The following ABCC5 variants were observed in gnomAD, a reference collection of about 807,000 sequenced individuals.
ABCC5 encodes ATP-binding cassette sub-family C member 5.
In ABCC5, 61 loss-of-function variants were observed where a neutral mutation model predicts 160.9. The observed-to-expected ratio is 0.38, with a 90% CI of 0.31 to 0.47. The LOEUF is 0.47. ABCC5 is among the 20% of genes least tolerant of loss of function. The probability of loss-of-function intolerance (pLI) is 0.99; values close to 1 mark genes in which losing one functional copy is unlikely to be tolerated. For synonymous variants in ABCC5, 666 were observed against 700.6 expected (o/e 0.95, Z 0.78); for missense variants, 1,308 against 1,813.3 (o/e 0.72, Z 5.06).
In ABCC5 at chr3:183,982,762, C is replaced by T; in HGVS notation, c.825+12G>A. The T allele has an allele frequency of 6.2e-7, 1 of 1,613,474 alleles. No individual in the cohort carries two copies. Among genetic ancestry groups the T allele is most frequent in the Non-Finnish European group, 8.5e-7 (1 of 1,179,412 alleles). ...GTTGCTCTCTGCTGTGAAGCAAACA[C>T]CCCTCACTCACCTCACCCAGGGATT... On this transcript the variant is annotated intron_variant, in intron 6 of 29. Coordinates refer to ENST00000334444, the MANE Select transcript of ABCC5 (RefSeq NM_005688.4). This position sits in a 1 kb window ranked among gnomAD's most constrained non-coding sequence, Gnocchi z 5.2.
intron 2 of ABCC5, among the ~76,000 whole-genome samples, chr3:184,008,591 A>G (rs4148561): frequency 0.6 from 90,916 of 152,172 alleles, 27,626 homozygotes; most frequent in East Asian, 0.85. Flanking sequence ...AAGTGGGTAG[A>G]TGTGCGAATG....
intron 2 of ABCC5, among the ~76,000 whole-genome samples, chr3:183,998,654 A>G (rs1281559754): frequency 6.6e-6 from 1 of 150,796 alleles, no homozygotes; most frequent in African/African-American, 2.5e-5. Flanking sequence ...GGTCTTGATC[A>G]CTATGCTATG....
At chr3:183,989,176 A>AAC in intron 3 of ABCC5, 50 bp downstream of exon 3, 2 of 1,298,778 alleles carry the variant, frequency 1.5e-6, no homozygotes, top group East Asian at 5.7e-5. Flanking sequence ...AAAAAAAAAA[A>AAC]AAAAAAGGCC....
rs764607219 is a variant in ABCC5 at position 183,967,710 on chromosome 3, T to G, written c.1818A>C (p.Ser606=). The G allele has an allele frequency of 1.2e-6, 2 of 1,613,732 alleles. No individual in the cohort carries two copies. Among genetic ancestry groups the G allele is most frequent in the African/African-American group, 2.7e-5 (2 of 74,918 alleles). ...AAAATCTTACCTGGCCTAAAATGGCTGAAATGAGAGAGGTTTTTCCACTTC... is the reference window on the plus strand; with the variant it reads ...AAAATCTTACCTGGCCTAAAATGGCGGAAATGAGAGAGGTTTTTCCACTTC... ...SVGSGKTSLI[S]AILGQMTLLE... The change falls in exon 12 of 30, where the codon TCA becomes TCC. Residue 606 remains serine (S), a synonymous_variant. Coordinates refer to ENST00000334444, the MANE Select transcript of ABCC5 (RefSeq NM_005688.4).
At chr3:183,929,796 G>T (rs548336608) in intron 26 of ABCC5, among the ~76,000 whole-genome samples, 1 of 152,158 alleles carries the variant, frequency 6.6e-6, no homozygotes, top group African/African-American at 2.4e-5. Flanking sequence ...GTTTTTTGTA[G>T]AGATGGGGTT....
Position 183,982,357 on chromosome 3 carries a change from G to C in ABCC5, c.999+94C>G, listed in dbSNP as rs1718821734. On this transcript the variant is annotated intron_variant, in intron 7 of 29. Coordinates refer to ENST00000334444, the MANE Select transcript of ABCC5 (RefSeq NM_005688.4). This position sits in a 1 kb window ranked among gnomAD's most constrained non-coding sequence, Gnocchi z 5.2. The stretch of plus-strand genomic sequence containing the variant: ...TGCTTTGAGGAAATTTCCAATCAGA[G>C]CTGTGAGACCTCAGCAATGCCTACT... 7.3e-7 allele frequency: 1 copy of C among 1,368,484 alleles called. No individual in the cohort carries two copies. Among genetic ancestry groups the C allele is most frequent in the Non-Finnish European group, 9.9e-7 (1 of 1,008,008 alleles). 84.8% of individuals were successfully genotyped at this position (1,368,484 alleles called of 1,614,324 possible).
rs748352646 is a variant in ABCC5 at position 183,961,577 on chromosome 3, C to A, written c.2313G>T (p.Met771Ile). Residue 771 changes from methionine to isoleucine, a missense_variant, in exon 16 of 30, where the codon ATG becomes ATT. Transcript: ENST00000334444. Reference protein sequence around the residue: ...ITERGTHEELMNLNGDYATIF... With the variant: ...ITERGTHEELINLNGDYATIF... ...TGGTAGCATAGTCACCATTTAAATT[C>A]ATCAGTTCCTCATGGGTGCCTCTTT... 2 of 1,614,224 alleles carry A rather than the reference C, an allele frequency of 1.2e-6. No homozygotes were observed. Among genetic ancestry groups the A allele is most frequent in the African/African-American group, 1.3e-5 (1 of 75,056 alleles).
intron 5 of ABCC5, chr3:183,983,697 G>A: frequency 1.0e-6 from 1 of 980,448 alleles, no homozygotes; most frequent in Non-Finnish European, 1.2e-6. Flanking sequence ...GTCCTGCAAC[G>A]CCGGAGCACA....
chr3:183,948,512 TTCTC>T (rs1419409929), intron 22 of ABCC5, among the ~76,000 whole-genome samples: 3 of 151,138 alleles, frequency 2.0e-5, no homozygotes, highest in Non-Finnish European at 4.5e-5. Context: ...ATTCTAAATT[TTCTC>T]TCTAAAAATA....
intron 15 of ABCC5, among the ~76,000 whole-genome samples, chr3:183,962,424 A>G (rs1291672878): frequency 6.6e-6 from 1 of 152,100 alleles, no homozygotes; most frequent in Non-Finnish European, 1.5e-5. Flanking sequence ...GCCCCACACA[A>G]CAATGGACTA....
In ABCC5 at chr3:183,949,619, T is replaced by C; in HGVS notation, c.3227+134A>G. 4.4e-6 allele frequency: 5 copies of C among 1,145,938 alleles called. No homozygotes were observed. The highest frequency in any genetic ancestry group is 3.7e-5 in the South Asian group (2 of 53,374). The allele number at this position is 1,145,938 out of a possible 1,614,324, so 71.0% of individuals were successfully genotyped here. On this transcript the variant is annotated intron_variant, in intron 22 of 29. Transcript: ENST00000334444. This position sits in a 1 kb window ranked among gnomAD's most constrained non-coding sequence, Gnocchi z 4.2. ...CAATTGGATTTTAATCAGAGATTATTCCATTAAATCATGAATACCCTTGGT... is the reference window on the plus strand; with the variant it reads ...CAATTGGATTTTAATCAGAGATTATCCCATTAAATCATGAATACCCTTGGT...
At chr3:183,979,603 C>A (rs550181420) in intron 8 of ABCC5, among the ~76,000 whole-genome samples, 1 of 152,038 alleles carries the variant, frequency 6.6e-6, no homozygotes, top group African/African-American at 2.4e-5. Context: ...TTTTTTCAGA[C>A]GAGGTCTCGC....
At chr3:183,989,417 C>T (rs1186181564) in intron 2 of ABCC5, 34 bp from the exon 3 acceptor site, 5 of 1,610,586 alleles carry the variant, frequency 3.1e-6, no homozygotes, top group Non-Finnish European at 4.2e-6. Context: ...GGCAAGAGCA[C>T]AGTTAATACA....
At chr3:183,981,058 A>G (rs1260105349) in intron 8 of ABCC5, among the ~76,000 whole-genome samples, 1 of 152,156 alleles carries the variant, frequency 6.6e-6, no homozygotes, top group Non-Finnish European at 1.5e-5. Context: ...TGACTGTTTC[A>G]CAGCACTGGA....
At chr3:183,935,657 A>C (rs1713636742) in intron 26 of ABCC5, among the ~76,000 whole-genome samples, 1 of 151,646 alleles carries the variant, frequency 6.6e-6, no homozygotes, top group African/African-American at 2.4e-5. Context: ...GACCACAAGC[A>C]TGGGCCACCA....
At chr3:183,930,298 G>A (rs921858703) in intron 26 of ABCC5, among the ~76,000 whole-genome samples, 2 of 152,228 alleles carry the variant, frequency 1.3e-5, no homozygotes, top group Admixed American at 6.5e-5. Context: ...GGCATCTCTC[G>A]ATCTCCTGGG....
At chr3:183,937,359 A>G (rs1020531493) in intron 26 of ABCC5, among the ~76,000 whole-genome samples, 1 of 152,230 alleles carries the variant, frequency 6.6e-6, no homozygotes, top group Admixed American at 6.5e-5. Flanking sequence ...CCTGGGTGAC[A>G]GAGTGAGACT....
At chr3:183,985,445 C>T in intron 5 of ABCC5, 1 of 1,353,880 alleles carries the variant, frequency 7.4e-7, no homozygotes, top group Non-Finnish European at 1.1e-6. Flanking sequence ...ATCCTGACAG[C>T]ACCAAGCAAG....
chr3:183,927,576 A>G, intron 27 of ABCC5, 133 bp from the exon 28 acceptor site: 1 of 1,437,424 alleles, frequency 7.0e-7, no homozygotes, highest in Admixed American at 2.2e-5. Context: ...ATCTGGAATG[A>G]AGGTGCAGGT....
Sources: gnomAD v4.1 joint callset for allele counts (sites outside exome capture counted in the v4.1 genomes callset) on GRCh38, gnomAD v4.1.1 for gene constraint, Gnocchi (gnomAD v3.1) non-coding constraint, MANE v1.5 for transcripts, NCBI Gene and HGNC (gene_info 2026-07-23, HGNC 2026-07-21) for gene names.